The following MAP7 variants were observed in gnomAD, a reference collection of about 807,000 sequenced individuals.
MAP7 encodes the protein ensconsin.
Under a neutral mutation model 94.8 loss-of-function variants are expected in MAP7, and 52 were observed. The ratio of observed to expected loss-of-function variants is 0.55; its 90% CI spans 0.44 to 0.69. The LOEUF (loss-of-function observed/expected upper bound fraction) is 0.69, where lower values mean the gene tolerates loss of function less well. Among genes scored for constraint, MAP7 ranks in the 30% least tolerant of loss-of-function variants. The pLI is 0.00. For synonymous variants in MAP7, 350 were observed against 357.0 expected, an observed-to-expected ratio of 0.98 and a Z score of 0.22; for missense variants, 940 against 964.6, an observed-to-expected ratio of 0.97 and a Z score of 0.34.
At chr6:136,502,958 T>A (rs1820233788) in intron 1 of MAP7, among the ~76,000 whole-genome samples, 1 of 152,184 alleles carries the variant, frequency 6.6e-6, no homozygotes. Flanking sequence ...CTAAGCTTCC[T>A]CTTGTTAACT....
chr6:136,461,447 T>C (rs1351504121), intron 1 of MAP7, among the ~76,000 whole-genome samples: 2 of 152,218 alleles, frequency 1.3e-5, no homozygotes, highest in Non-Finnish European at 2.9e-5. Context: ...ATTTTATAAC[T>C]GTTATGCTAA....
chr6:136,478,421 AAAAAAC>A (rs57102560), intron 1 of MAP7, among the ~76,000 whole-genome samples: 4 of 152,068 alleles, frequency 2.6e-5, no homozygotes, highest in African/African-American at 9.7e-5. Flanking sequence ...TGTCTGTACC[AAAAAAC>A]AAAAACAAAA....
chr6:136,436,223 G>A (rs1796337807), intron 1 of MAP7, among the ~76,000 whole-genome samples: 1 of 152,186 alleles, frequency 6.6e-6, no homozygotes, highest in South Asian at 2.1e-4. Flanking sequence ...AATCACACCT[G>A]TGTTCCTCAA....
At chr6:136,542,116 C>A (rs1322802340) in intron 1 of MAP7, among the ~76,000 whole-genome samples, 1 of 152,034 alleles carries the variant, frequency 6.6e-6, no homozygotes, top group African/African-American at 2.4e-5. Context: ...TCTTACAGAT[C>A]TTTTTCAACA....
At chr6:136,527,974 CTG>C (rs1261807613) in intron 1 of MAP7, among the ~76,000 whole-genome samples, 1 of 152,196 alleles carries the variant, frequency 6.6e-6, no homozygotes, top group Non-Finnish European at 1.5e-5. Context: ...TTGTGTCAAT[CTG>C]TGCAGTGGGT....
intron 1 of MAP7, among the ~76,000 whole-genome samples, chr6:136,466,051 TATA>T (rs1806920454): frequency 6.6e-6 from 1 of 152,206 alleles, no homozygotes; most frequent in Non-Finnish European, 1.5e-5. Context: ...AAATGTAGTC[TATA>T]AAGTTCCAAT....
At chr6:136,503,449 C>A (rs531206679) in intron 1 of MAP7, among the ~76,000 whole-genome samples, 1 of 152,084 alleles carries the variant, frequency 6.6e-6, no homozygotes, top group Admixed American at 6.5e-5. Flanking sequence ...TGGCTCTAAC[C>A]CTGACCCGCC....
chr6:136,548,878 C>G (rs1829928513), intron 1 of MAP7, among the ~76,000 whole-genome samples: 1 of 152,184 alleles, frequency 6.6e-6, no homozygotes, highest in Non-Finnish European at 1.5e-5. Flanking sequence ...CTCCCGGGGC[C>G]CTCACTTGGG....
intron 3 of MAP7, among the ~76,000 whole-genome samples, chr6:136,401,808 T>C (rs964301867): frequency 1.3e-5 from 2 of 151,882 alleles, no homozygotes; most frequent in Non-Finnish European, 2.9e-5. Flanking sequence ...ACCCTGTCTC[T>C]AATGTAAAAA....
At chr6:136,414,205 A>G (rs1788498716) in intron 2 of MAP7, among the ~76,000 whole-genome samples, 2 of 131,016 alleles carry the variant, frequency 1.5e-5, no homozygotes, top group Admixed American at 1.7e-4. Flanking sequence ...GTGAGCCGAG[A>G]TCGCGCCACT....
chr6:136,505,806 T>C (rs1393656876), intron 1 of MAP7, among the ~76,000 whole-genome samples: 1 of 152,142 alleles, frequency 6.6e-6, no homozygotes, highest in Non-Finnish European at 1.5e-5. Context: ...ATAATTTATA[T>C]ATAGGACTTA....
At chr6:136,359,760 CT>C (rs138651676) in intron 15 of MAP7, 59 bp downstream of exon 15, 38,321 of 1,491,356 alleles carry the variant, frequency 0.026, 658 homozygotes, top group Non-Finnish European at 0.031. Context: ...ATCTTCACCC[CT>C]GGAGAGTCAA....
At chr6:136,359,768 T>C in intron 15 of MAP7, 52 bp downstream of exon 15, 1 of 1,514,166 alleles carries the variant, frequency 6.6e-7, no homozygotes, top group Non-Finnish European at 9.1e-7. Flanking sequence ...CCCTGGAGAG[T>C]CAATTTAAAC....
chr6:136,467,090 T>C (rs1035585512), intron 1 of MAP7, among the ~76,000 whole-genome samples: 66 of 152,294 alleles, frequency 4.3e-4, no homozygotes, highest in African/African-American at 1.5e-3. Flanking sequence ...GGGAGGCTTT[T>C]CCTGGTTAAG....
At chr6:136,405,186 T>C (rs1362098837) in intron 3 of MAP7, among the ~76,000 whole-genome samples, 1 of 152,200 alleles carries the variant, frequency 6.6e-6, no homozygotes. Context: ...CAAGCTGTTC[T>C]AGATACTAAG....
At chr6:136,349,861 C>T (rs1283035863) in intron 16 of MAP7, among the ~76,000 whole-genome samples, 1 of 152,086 alleles carries the variant, frequency 6.6e-6, no homozygotes, top group African/African-American at 2.4e-5. Context: ...CAGGATACTT[C>T]TGGTACAGAG....
chr6:136,383,279 C>T (rs148321237), intron 6 of MAP7, among the ~76,000 whole-genome samples: 2 of 152,154 alleles, frequency 1.3e-5, no homozygotes, highest in Non-Finnish European at 1.5e-5. Context: ...TAAAGAAAGT[C>T]AGAGCCTGGA....
At chr6:136,416,796 A>T (rs1020257193) in intron 2 of MAP7, among the ~76,000 whole-genome samples, 1 of 150,166 alleles carries the variant, frequency 6.7e-6, no homozygotes, top group African/African-American at 2.5e-5. Context: ...ACAGGACGAG[A>T]CTACGTCTCA....
At chr6:136,352,893 G>A (rs1254345749) in intron 16 of MAP7, among the ~76,000 whole-genome samples, 1 of 152,302 alleles carries the variant, frequency 6.6e-6, no homozygotes, top group African/African-American at 2.4e-5. Context: ...TCTTGTACTT[G>A]TTGCTATAAG....
Sources: gnomAD v4.1 joint callset for allele counts (sites outside exome capture counted in the v4.1 genomes callset) on GRCh38, gnomAD v4.1.1 for gene constraint, MANE v1.5 for transcripts, NCBI Gene and HGNC (gene_info 2026-07-23, HGNC 2026-07-21) for gene names.